Variants in RYR3 observed in about 807,000 individuals in gnomAD.
RYR3 encodes ryanodine receptor 3, also known as brain ryanodine receptor-calcium release channel.
In RYR3, 207 loss-of-function variants were observed where a neutral mutation model predicts 584.3. The ratio of observed to expected loss-of-function variants is 0.35; its 90% CI spans 0.32 to 0.40. The LOEUF (loss-of-function observed/expected upper bound fraction) is 0.40. RYR3 is among the 10% of genes least tolerant of loss of function. The pLI is 1.00. For synonymous variants in RYR3, 2,416 were observed against 2,248.5 expected, an observed-to-expected ratio of 1.07 and a Z score of -2.11; for missense variants, 5,616 against 6,089.2, an observed-to-expected ratio of 0.92 and a Z score of 2.59.
At chr15:33,710,885 G>A (rs1005632898) in intron 43 of RYR3, among the ~76,000 whole-genome samples, 5 of 152,214 alleles carry the variant, frequency 3.3e-5, no homozygotes, top group African/African-American at 1.2e-4. Context: ...AGGCTGCCCT[G>A]GGCCTGGCCC....
At chr15:33,518,618 C>G (rs1210133308) in intron 3 of RYR3, among the ~76,000 whole-genome samples, 1 of 152,118 alleles carries the variant, frequency 6.6e-6, no homozygotes, top group Non-Finnish European at 1.5e-5. Context: ...TAAATTTGCT[C>G]CCCGCACAAT....
At chr15:33,817,143 A>T (rs530314563) in intron 75 of RYR3, among the ~76,000 whole-genome samples, 185 bp downstream of exon 75, 1 of 152,312 alleles carries the variant, frequency 6.6e-6, no homozygotes, top group East Asian at 1.9e-4. Context: ...ATGAATTTTC[A>T]CTTGGAGTTG....
intron 1 of RYR3, among the ~76,000 whole-genome samples, chr15:33,405,182 T>G (rs1289379276): frequency 1.3e-5 from 2 of 152,244 alleles, no homozygotes; most frequent in African/African-American, 4.8e-5. Flanking sequence ...CAGGAGTATT[T>G]TTAATGCAGA....
chr15:33,860,979 A>T (rs1256396394), intron 101 of RYR3, 99 bp from the exon 102 acceptor site: 7 of 980,972 alleles, frequency 7.1e-6, no homozygotes, highest in Admixed American at 2.0e-5. Flanking sequence ...CATTAGAAAG[A>T]AAGTTTTCAT....
intron 1 of RYR3, among the ~76,000 whole-genome samples, chr15:33,387,930 C>G (rs889444618): frequency 6.6e-6 from 1 of 151,794 alleles, no homozygotes; most frequent in South Asian, 2.1e-4. Context: ...AAAGAAAGAA[C>G]AGAGGAAAGA....
Position 33,866,067 on chromosome 15 carries a change from G to A in RYR3, c.*841G>A, listed in dbSNP as rs569222896. On this transcript the variant is annotated 3_prime_UTR_variant, in exon 104 of 104. Transcript: ENST00000634891. ...TTAGGTGAATCTCCTCAAATACAATGAAGTGCCCACTGCAATAAAGTAATA... is the reference window on the plus strand; with the variant it reads ...TTAGGTGAATCTCCTCAAATACAATAAAGTGCCCACTGCAATAAAGTAATA... The A allele has an allele frequency of 3.0e-3, 465 of 155,938 alleles. 3 individuals are homozygous for A. Among genetic ancestry groups the A allele is most frequent in the Non-Finnish European group, 5.4e-3 (380 of 69,948 alleles). 9.7% of individuals were successfully genotyped at this position (155,938 alleles called of 1,614,324 possible).
intron 47 of RYR3, among the ~76,000 whole-genome samples, chr15:33,730,390 A>G (rs999529512): frequency 6.6e-6 from 1 of 152,220 alleles, no homozygotes; most frequent in African/African-American, 2.4e-5. Flanking sequence ...TTCTCTTTTG[A>G]AAACTTATAA....
chr15:33,365,649 T>C (rs1975389055), intron 1 of RYR3, among the ~76,000 whole-genome samples: 1 of 152,196 alleles, frequency 6.6e-6, no homozygotes, highest in Non-Finnish European at 1.5e-5. Flanking sequence ...GATGCTGTAT[T>C]GTACACTTAG....
At chr15:33,522,336 G>A (rs888753931) in intron 3 of RYR3, among the ~76,000 whole-genome samples, 1 of 152,128 alleles carries the variant, frequency 6.6e-6, no homozygotes, top group Admixed American at 6.5e-5. Context: ...AGATGCCAGG[G>A]GTGTCGCCCC....
chr15:33,832,275 CAG>C (rs1431987144), intron 86 of RYR3, among the ~76,000 whole-genome samples: 1 of 147,546 alleles, frequency 6.8e-6, no homozygotes, highest in Non-Finnish European at 1.5e-5. Flanking sequence ...ACCTGGGCGA[CAG>C]AGCAAGACTC....
chr15:33,339,700 T>A (rs1213624758), intron 1 of RYR3, among the ~76,000 whole-genome samples: 1 of 152,176 alleles, frequency 6.6e-6, no homozygotes, highest in South Asian at 2.1e-4. Flanking sequence ...CCATCCTGGC[T>A]AACACGGTGA....
intron 1 of RYR3, among the ~76,000 whole-genome samples, chr15:33,359,719 C>T (rs753442499): frequency 6.6e-6 from 1 of 151,852 alleles, no homozygotes; most frequent in African/African-American, 2.4e-5. Context: ...CCTGGGTTCA[C>T]GCCATTCTCC....
intron 1 of RYR3, among the ~76,000 whole-genome samples, chr15:33,427,449 T>C (rs547966968): frequency 2.0e-5 from 3 of 152,320 alleles, no homozygotes; most frequent in African/African-American, 7.2e-5. Context: ...ATGAAAAATA[T>C]TCAAACTCTG....
intron 53 of RYR3, 80 bp from the exon 54 acceptor site, chr15:33,748,034 T>A: frequency 1.5e-6 from 2 of 1,368,742 alleles, no homozygotes; most frequent in Admixed American, 3.4e-5. Context: ...CACAGTGGGA[T>A]GCACCTTCCA....
Position 33,857,888 on chromosome 15 carries a change from G to A in RYR3, c.14116G>A (p.Asp4706Asn), listed in dbSNP as rs762353653. 1.4e-5 allele frequency: 23 copies of A among 1,614,076 alleles called. No individual in the cohort carries two copies. The highest frequency in any genetic ancestry group is 6.7e-5 in the Admixed American group (4 of 60,016). Residue 4706 changes from aspartate to asparagine, a missense_variant, in exon 99 of 104, where the codon GAT becomes AAT. Transcript: ENST00000634891. The stretch of plus-strand genomic sequence containing the variant: ...CAAAAGCGAAGACGATGACGAGCCC[G>A]ATATGAAGTGCGACGACATGATGAC... The part of the protein sequence containing the change: ...YNKSEDDDEP[D>N]MKCDDMMTCY...
chr15:33,340,279 A>G (rs147374714), intron 1 of RYR3, among the ~76,000 whole-genome samples: 50 of 152,338 alleles, frequency 3.3e-4, no homozygotes, highest in African/African-American at 1.2e-3. Flanking sequence ...GCAGAGGGTC[A>G]GGGGCTCCAG....
At chr15:33,702,668 G>A (rs2066391533) in intron 42 of RYR3, among the ~76,000 whole-genome samples, 2 of 152,108 alleles carry the variant, frequency 1.3e-5, no homozygotes, top group Non-Finnish European at 2.9e-5. Flanking sequence ...TGCAGATAGA[G>A]CACACAGAGG....
At chr15:33,636,952 G>A (rs2061531823) in intron 27 of RYR3, among the ~76,000 whole-genome samples, 1 of 152,222 alleles carries the variant, frequency 6.6e-6, no homozygotes, top group African/African-American at 2.4e-5. Context: ...CAGTCTGCAT[G>A]TTTGTGTAAT....
chr15:33,652,739 C>T lies in RYR3; in HGVS notation c.4164C>T (p.Tyr1388=). The T allele has an allele frequency of 1.9e-6, 3 of 1,613,560 alleles. No individual in the cohort carries two copies. Among genetic ancestry groups the T allele is most frequent in the Middle Eastern group, 1.6e-4 (1 of 6,062 alleles). The change falls in exon 32 of 104, where the codon TAC becomes TAT. Residue 1388 remains tyrosine, a synonymous_variant. Transcript: ENST00000634891. ...CTAGTGTGAAACGCAGCAACTGCTACATGGTCTGGGGTGGAGACATTGTAG... is the reference window on the plus strand; with the variant it reads ...CTAGTGTGAAACGCAGCAACTGCTATATGGTCTGGGGTGGAGACATTGTAG... ...VHESVKRSNC[Y]MVWGGDIVAS...
Sources: gnomAD v4.1 joint callset for allele counts (sites outside exome capture counted in the v4.1 genomes callset) on GRCh38, gnomAD v4.1.1 for gene constraint, MANE v1.5 for transcripts, NCBI Gene and HGNC (gene_info 2026-07-23, HGNC 2026-07-21) for gene names.